LRRC4C: variants seen among roughly 807,000 people sequenced by gnomAD.
LRRC4C encodes the protein leucine-rich repeat-containing protein 4C.
LRRC4C carries 5 observed loss-of-function variants against 33.6 expected under a neutral mutation model. The ratio of observed to expected loss-of-function variants is 0.15; its 90% CI spans 0.08 to 0.31. LRRC4C has a LOEUF of 0.31. Among genes scored for constraint, LRRC4C ranks in the 10% least tolerant of loss-of-function variants. The pLI, the probability that LRRC4C is intolerant of heterozygous loss-of-function variation, is 1.00. For missense variants in LRRC4C, 560 were observed against 796.7 expected (o/e 0.70, Z 3.58); for synonymous variants, 329 against 302.0 (o/e 1.09, Z -0.93).
At chr11:40,357,939 C>A (rs527974394) in intron 3 of LRRC4C, among the ~76,000 whole-genome samples, 2 of 152,200 alleles carry the variant, frequency 1.3e-5, no homozygotes, top group South Asian at 4.2e-4. Flanking sequence ...AATCCCAGCA[C>A]TTTGGGAGGC....
intron 1 of LRRC4C, among the ~76,000 whole-genome samples, chr11:40,987,784 A>G (rs922108901): frequency 7.3e-5 from 11 of 151,492 alleles, no homozygotes; most frequent in East Asian, 1.9e-4. Context: ...GCAAGCAAAT[A>G]TAATTCTGCT....
intron 5 of LRRC4C, among the ~76,000 whole-genome samples, chr11:40,147,670 A>G (rs1352986941): frequency 6.6e-6 from 1 of 152,206 alleles, no homozygotes; most frequent in Non-Finnish European, 1.5e-5. Context: ...TGAGGTAGAC[A>G]TAATTGTCGA....
At chr11:41,414,732 C>G (rs955635079) in intron 1 of LRRC4C, among the ~76,000 whole-genome samples, 1 of 151,604 alleles carries the variant, frequency 6.6e-6, no homozygotes, top group African/African-American at 2.4e-5. Context: ...TTCCTCAACT[C>G]GAGAAAGATA....
intron 3 of LRRC4C, among the ~76,000 whole-genome samples, chr11:40,561,468 A>G (rs370987575): frequency 9.3e-5 from 11 of 118,746 alleles, no homozygotes; most frequent in African/African-American, 3.7e-4. Flanking sequence ...GCTGGATTGT[A>G]GTGGCGCAAT....
intron 1 of LRRC4C, among the ~76,000 whole-genome samples, chr11:41,396,576 G>A (rs1953823955): frequency 6.6e-6 from 1 of 151,982 alleles, no homozygotes; most frequent in Non-Finnish European, 1.5e-5. Context: ...GAAACATGTA[G>A]TGAATGCTCA....
intron 2 of LRRC4C, among the ~76,000 whole-genome samples, chr11:40,885,130 CTGTT>C (rs1391712155): frequency 6.6e-5 from 10 of 152,024 alleles, no homozygotes; most frequent in Admixed American, 6.6e-4. Flanking sequence ...CCTATACAAA[CTGTT>C]TGTATTTAGG....
At chr11:41,153,636 CG>C (rs1944098480) in intron 1 of LRRC4C, among the ~76,000 whole-genome samples, 1 of 152,142 alleles carries the variant, frequency 6.6e-6, no homozygotes, top group African/African-American at 2.4e-5. Flanking sequence ...TTGCTAAAAA[CG>C]GTATCTTGTG....
intron 4 of LRRC4C, among the ~76,000 whole-genome samples, chr11:40,261,614 C>T (rs1356152035): frequency 6.6e-6 from 1 of 152,048 alleles, no homozygotes; most frequent in Admixed American, 6.6e-5. Flanking sequence ...GTACAAGTGG[C>T]CAGGTTCAAT....
chr11:40,678,849 T>C (rs982036167), intron 2 of LRRC4C, among the ~76,000 whole-genome samples: 2 of 152,026 alleles, frequency 1.3e-5, no homozygotes, highest in Admixed American at 1.3e-4. Context: ...GATAATACAG[T>C]TAATTGGTAC....
intron 3 of LRRC4C, among the ~76,000 whole-genome samples, chr11:40,418,890 C>T (rs1266807601): frequency 6.6e-6 from 1 of 152,156 alleles, no homozygotes; most frequent in Non-Finnish European, 1.5e-5. Flanking sequence ...CCAAACACCA[C>T]ATGTTCTCAC....
At chr11:40,656,252 C>A (rs1411312818) in intron 2 of LRRC4C, among the ~76,000 whole-genome samples, 1 of 151,240 alleles carries the variant, frequency 6.6e-6, no homozygotes, top group South Asian at 2.1e-4. Flanking sequence ...TCTAATCCTT[C>A]TTTTCTACTC....
At position 41,057,292 on chromosome 11, in the gene LRRC4C, A is replaced by G. The variant is rs377174252; in HGVS notation, c.-495-123569T>C. On this transcript the variant is annotated intron_variant, in intron 1 of 6. Coordinates refer to ENST00000528697, the MANE Select transcript of LRRC4C (RefSeq NM_001258419.2). The stretch of plus-strand genomic sequence containing the variant: ...ACACTCGAGGCAGTGCTGAAACACC[A>G]GTCCCTTGCCGCCTAAGACCCTCCA... Among the ~76,000 whole-genome samples the G allele has an allele frequency of 4.6e-5, 7 of 152,324 alleles. No homozygotes were observed. The South Asian group carries it at 1.5e-3, about 32-fold the overall frequency.
At chr11:40,289,839 T>C (rs1269257820) in intron 4 of LRRC4C, among the ~76,000 whole-genome samples, 8 of 152,116 alleles carry the variant, frequency 5.3e-5, no homozygotes, top group African/African-American at 1.4e-4. Context: ...AATGTTTAAG[T>C]GGAGGGGATG....
intron 1 of LRRC4C, among the ~76,000 whole-genome samples, chr11:41,190,635 CGT>C (rs1254938918): frequency 1.3e-5 from 2 of 152,132 alleles, no homozygotes; most frequent in African/African-American, 4.8e-5. Flanking sequence ...GGTAAAATGA[CGT>C]ATGCTCGGCT....
intron 1 of LRRC4C, among the ~76,000 whole-genome samples, chr11:41,211,072 G>A (rs971246699): frequency 2.0e-5 from 3 of 152,136 alleles, no homozygotes; most frequent in Non-Finnish European, 4.4e-5. Context: ...CCTGCTGTGC[G>A]GCCTAGTTCC....
At chr11:40,343,034 T>A (rs1946945949) in intron 3 of LRRC4C, among the ~76,000 whole-genome samples, 1 of 152,034 alleles carries the variant, frequency 6.6e-6, no homozygotes, top group Non-Finnish European at 1.5e-5. Context: ...ATATATATAT[T>A]TTTTGCCTAA....
At chr11:40,932,107 A>T (rs971031517) in intron 2 of LRRC4C, among the ~76,000 whole-genome samples, 1 of 152,094 alleles carries the variant, frequency 6.6e-6, no homozygotes, top group Non-Finnish European at 1.5e-5. Flanking sequence ...TATAAAAGAG[A>T]ATTTGCAGCA....
intron 2 of LRRC4C, among the ~76,000 whole-genome samples, chr11:40,810,368 A>G (rs1028517760): frequency 1.3e-5 from 2 of 152,200 alleles, no homozygotes. Context: ...TTATGAATGT[A>G]GGAGTACCCC....
chr11:40,189,374 T>C (rs1861650606), intron 5 of LRRC4C, among the ~76,000 whole-genome samples: 1 of 152,170 alleles, frequency 6.6e-6, no homozygotes, highest in Non-Finnish European at 1.5e-5. Context: ...GTGTTGTGTT[T>C]TGGCCTTACA....
Sources: gnomAD v4.1 joint callset for allele counts (sites outside exome capture counted in the v4.1 genomes callset) on GRCh38, gnomAD v4.1.1 for gene constraint, MANE v1.5 for transcripts, NCBI Gene and HGNC (gene_info 2026-07-23, HGNC 2026-07-21) for gene names.